The following PRKN variants were observed in gnomAD, a reference collection of about 807,000 sequenced individuals.
The protein encoded by PRKN is E3 ubiquitin-protein ligase parkin.
Under a neutral mutation model 59.5 loss-of-function variants are expected in PRKN, and 56 were observed. The ratio of observed to expected loss-of-function variants is 0.94; its 90% CI spans 0.76 to 1.18. PRKN has a LOEUF of 1.18. Among genes scored for constraint, PRKN ranks in the 50% most tolerant of loss-of-function variants. PRKN has a pLI of 0.00. For missense variants in PRKN, 657 were observed against 596.4 expected (o/e 1.10, Z -1.06); for synonymous variants, 250 against 222.1 (o/e 1.13, Z -1.12).
chr6:162,151,620 T>TA (rs1782273895), intron 4 of PRKN, among the ~76,000 whole-genome samples: 1 of 152,170 alleles, frequency 6.6e-6, no homozygotes, highest in Non-Finnish European at 1.5e-5. Flanking sequence ...TTTTCAGAAT[T>TA]ACAAGAAAAT....
At chr6:162,152,985 TC>T (rs1401220270) in intron 4 of PRKN, among the ~76,000 whole-genome samples, 2 of 152,176 alleles carry the variant, frequency 1.3e-5, no homozygotes, top group Non-Finnish European at 2.9e-5. Flanking sequence ...GGCTCCAAAG[TC>T]GATGATGTTC....
chr6:161,800,040 G>A (rs767617042), intron 6 of PRKN, among the ~76,000 whole-genome samples: 1 of 152,134 alleles, frequency 6.6e-6, no homozygotes, highest in African/African-American at 2.4e-5. Flanking sequence ...TTCAGCGCTT[G>A]GACAATGGCA....
chr6:162,500,172 CTTTTT>C (rs36107785), intron 1 of PRKN, among the ~76,000 whole-genome samples: 4 of 133,948 alleles, frequency 3.0e-5, no homozygotes, highest in Admixed American at 7.6e-5. Flanking sequence ...CTCTTTTCTT[CTTTTT>C]TTTTTTTTTT....
At chr6:161,864,280 T>G (rs1794024497) in intron 6 of PRKN, among the ~76,000 whole-genome samples, 1 of 152,212 alleles carries the variant, frequency 6.6e-6, no homozygotes, top group Non-Finnish European at 1.5e-5. Flanking sequence ...AATCCTTTGT[T>G]GTCATCTCAA....
At chr6:161,384,598 C>T (rs1786145531) in intron 10 of PRKN, among the ~76,000 whole-genome samples, 1 of 152,180 alleles carries the variant, frequency 6.6e-6, no homozygotes, top group Non-Finnish European at 1.5e-5. Context: ...CTCAACAAAC[C>T]ATCTATTAAA....
At chr6:161,696,879 T>A (rs1786044903) in intron 7 of PRKN, among the ~76,000 whole-genome samples, 1 of 152,190 alleles carries the variant, frequency 6.6e-6, no homozygotes, top group African/African-American at 2.4e-5. Context: ...AACTTCCCGA[T>A]TTGCTGATTT....
chr6:161,736,208 G>A (rs1787957804), intron 7 of PRKN, among the ~76,000 whole-genome samples: 1 of 152,220 alleles, frequency 6.6e-6, no homozygotes, highest in South Asian at 2.1e-4. Context: ...TGGCAAGGCT[G>A]ATGTTCACAT....
At chr6:162,508,261 A>G (rs932560670) in intron 1 of PRKN, among the ~76,000 whole-genome samples, 2 of 152,114 alleles carry the variant, frequency 1.3e-5, no homozygotes, top group Non-Finnish European at 2.9e-5. Context: ...GATTCAAATT[A>G]TCTCCCACCA....
At chr6:162,163,742 G>C (rs1429703296) in intron 4 of PRKN, among the ~76,000 whole-genome samples, 1 of 149,018 alleles carries the variant, frequency 6.7e-6, no homozygotes, top group Non-Finnish European at 1.5e-5. Flanking sequence ...CTGTCAGAGG[G>C]GAACATGAGT....
intron 4 of PRKN, among the ~76,000 whole-genome samples, chr6:162,122,254 G>T (rs765989036): frequency 1.3e-5 from 2 of 152,062 alleles, no homozygotes; most frequent in South Asian, 2.1e-4. Flanking sequence ...ACCTCCTCTC[G>T]CCAAGGCTGA....
intron 1 of PRKN, among the ~76,000 whole-genome samples, chr6:162,577,936 T>A (rs1209719896): frequency 6.6e-6 from 1 of 152,140 alleles, no homozygotes; most frequent in Non-Finnish European, 1.5e-5. Flanking sequence ...CTCAAAAACC[T>A]ATAATTAATT....
At chr6:162,265,219 T>A (rs1176531625) in intron 2 of PRKN, 1 of 152,222 alleles carries the variant, frequency 6.6e-6, no homozygotes, top group African/African-American at 2.4e-5. Context: ...ATGATACATG[T>A]GGCAGATTAA....
chr6:161,726,170 T>G (rs1477357939), intron 7 of PRKN, among the ~76,000 whole-genome samples: 1 of 152,232 alleles, frequency 6.6e-6, no homozygotes, highest in African/African-American at 2.4e-5. Flanking sequence ...TAAAATTTAG[T>G]TCACTTTCTG....
In PRKN at chr6:161,360,546, C is replaced by T. The variant is rs1178894451; in HGVS notation, c.1168-341G>A. Among the ~76,000 whole-genome samples the T allele has an allele frequency of 6.6e-6, 1 of 152,216 alleles. No individual in the cohort carries two copies. The highest frequency in any genetic ancestry group is 1.5e-5 in the Non-Finnish European group (1 of 68,040). ...ATGCTCAAATACACTTCTCATTAGA[C>T]ACTTCATCAGATGTGAAGTGAGGAT... is the stretch of plus-strand genomic sequence containing the variant. On this transcript the variant is annotated intron_variant, in intron 10 of 11. Transcript: ENST00000366898. The surrounding 1 kb of genome is among the most constrained non-coding windows in gnomAD (Gnocchi z 5.1).
At chr6:161,746,391 G>A in intron 7 of PRKN, among the ~76,000 whole-genome samples, 1 of 151,714 alleles carries the variant, frequency 6.6e-6, no homozygotes, top group East Asian at 1.9e-4. Context: ...TATAAGTAGG[G>A]GCTAATTGGC....
intron 1 of PRKN, among the ~76,000 whole-genome samples, chr6:162,611,707 G>T (rs1473547747): frequency 6.6e-6 from 1 of 152,214 alleles, no homozygotes; most frequent in Non-Finnish European, 1.5e-5. Flanking sequence ...AGTTCCACTT[G>T]AGAAGTTTCC....
chr6:162,613,604 C>A lies in PRKN; in HGVS notation c.7+114058G>T, dbSNP rs951497651. 2.6e-5 allele frequency among the ~76,000 whole-genome samples: 4 copies of A among 152,126 alleles called. No homozygotes were observed. In the South Asian group the frequency reaches 6.2e-4, roughly 24 times the overall value. The stretch of plus-strand genomic sequence containing the variant: ...TGAAGATAAATAACTCATTTTGCAG[C>A]AAATGCTTCTACCTCTTCACCAACA... On this transcript the variant is annotated intron_variant, in intron 1 of 11. Transcript: ENST00000366898.
intron 9 of PRKN, among the ~76,000 whole-genome samples, chr6:161,436,237 G>GA (rs1267834738): frequency 1.9e-5 from 2 of 105,538 alleles, no homozygotes; most frequent in African/African-American, 7.2e-5. Context: ...GGAGGGCAGA[G>GA]AAGAGGGGGC....
chr6:162,640,837 A>G (rs1298654028), intron 1 of PRKN, among the ~76,000 whole-genome samples: 1 of 152,184 alleles, frequency 6.6e-6, no homozygotes, highest in Non-Finnish European at 1.5e-5. Flanking sequence ...CCCCTTTGCT[A>G]AAGGTATAAA....
Sources: allele counts gnomAD v4.1 joint callset (sites outside exome capture counted in the v4.1 genomes callset), GRCh38; gene constraint gnomAD v4.1.1; non-coding constraint Gnocchi (gnomAD v3.1); transcripts MANE v1.5; gene names NCBI Gene and HGNC (gene_info 2026-07-23, HGNC 2026-07-21).